Variants in DNAH14 observed in about 807,000 individuals in gnomAD.
DNAH14 encodes dynein axonemal heavy chain 14.
A neutral mutation model predicts 520.9 loss-of-function variants in DNAH14; 478 were observed. The ratio of observed to expected loss-of-function variants is 0.92; its 90% CI spans 0.85 to 0.99. DNAH14 has a LOEUF of 0.99. Among genes scored for constraint, DNAH14 ranks in the 50% least tolerant of loss-of-function variants. DNAH14 has a pLI of 0.00. For synonymous variants in DNAH14, 1,581 were observed against 1,757.2 expected (o/e 0.90, Z 2.51); for missense variants, 4,831 against 5,234.5 (o/e 0.92, Z 2.38).
At chr1:225,299,401 GTTAT>G (rs1384097715) in intron 55 of DNAH14, among the ~76,000 whole-genome samples, 1 of 152,016 alleles carries the variant, frequency 6.6e-6, no homozygotes, top group East Asian at 1.9e-4. Flanking sequence ...TCTCCATTGA[GTTAT>G]TTTTTTCATG....
intron 41 of DNAH14, among the ~76,000 whole-genome samples, chr1:225,209,662 A>C (rs2088080496): frequency 6.6e-6 from 1 of 152,240 alleles, no homozygotes. Context: ...AATATGGTTC[A>C]AGAAGAAATG....
At chr1:225,228,241 A>G (rs2090743527) in intron 41 of DNAH14, among the ~76,000 whole-genome samples, 1 of 152,342 alleles carries the variant, frequency 6.6e-6, no homozygotes, top group South Asian at 2.1e-4. Flanking sequence ...TAACTTGGCC[A>G]AAAATGTGTC....
Position 225,206,179 on chromosome 1 carries a change from G to T in DNAH14, c.6186G>T (p.Met2062Ile). ...ATVSRCAMVYMDPVDLGWEPY... is the reference protein window; with the variant it reads ...ATVSRCAMVYIDPVDLGWEPY... Reference sequence around the variant, plus strand: ...TCAGCCGATGTGCCATGGTCTATATGGTAAGCTTTCAAAAACAAATGTTTT... The same window carrying T: ...TCAGCCGATGTGCCATGGTCTATATTGTAAGCTTTCAAAAACAAATGTTTT... Residue 2062 changes from methionine to isoleucine, a missense_variant and splice_region_variant, in exon 40 of 86, where the codon ATG becomes ATT. Met to Ile is a conservative substitution (Grantham distance 10). Coordinates refer to ENST00000682510, the MANE Select transcript of DNAH14 (RefSeq NM_001367479.1). The T allele has an allele frequency of 6.5e-7, 1 of 1,532,576 alleles. No homozygotes were observed. The highest frequency in any genetic ancestry group is 1.2e-5 in the South Asian group (1 of 81,364). 94.9% of individuals were successfully genotyped at this position (1,532,576 alleles called of 1,614,324 possible).
At chr1:225,193,799 C>T (rs774227450) in intron 38 of DNAH14, among the ~76,000 whole-genome samples, 27 of 152,058 alleles carry the variant, frequency 1.8e-4, no homozygotes, top group Non-Finnish European at 2.8e-4. Flanking sequence ...ACCTAGAAAA[C>T]CCCATAGTCT....
chr1:225,247,458 AAGAATT>A lies in DNAH14; in HGVS notation c.6749-4840_6749-4835del, dbSNP rs548197668. On this transcript the variant is annotated intron_variant, in intron 43 of 85. Coordinates refer to ENST00000682510, the MANE Select transcript of DNAH14 (RefSeq NM_001367479.1). ...ACTCCACTCTGGTCACCATCAAAGA[AAGAATT>A]AGTAAGTTGAAACCTAGAGAAGAAA... Among the ~76,000 whole-genome samples, 157 of 152,348 alleles carry A rather than the reference AAGAATT, an allele frequency of 1.0e-3. 1 individual carries two copies. The highest frequency in any genetic ancestry group is 3.7e-3 in the African/African-American group (153 of 41,590).
intron 36 of DNAH14, among the ~76,000 whole-genome samples, chr1:225,174,470 G>A (rs1358856304): frequency 1.3e-5 from 2 of 151,964 alleles, no homozygotes; most frequent in Non-Finnish European, 2.9e-5. Flanking sequence ...TTCTTTCTCA[G>A]TCAGTGTTGC....
intron 2 of DNAH14, among the ~76,000 whole-genome samples, chr1:224,953,701 A>T (rs1357821634): frequency 6.6e-6 from 1 of 152,212 alleles, no homozygotes; most frequent in African/African-American, 2.4e-5. Context: ...GGGCATGTTC[A>T]ATAATGGTGC....
Position 225,351,792 on chromosome 1 carries a change from T to C in DNAH14, c.11442T>C (p.Phe3814=). 1.3e-6 allele frequency: 2 copies of C among 1,551,368 alleles called. No homozygotes were observed. The highest frequency in any genetic ancestry group is 1.7e-6 in the Non-Finnish European group (2 of 1,146,756). ...LLSNVSQWDT[F]KNSKAVYSLI... Reference sequence around the variant, plus strand: ...CAAACGTATCACAATGGGATACTTTTAAGAACAGTAAAGCAGTTTATTCTC... The same window carrying C: ...CAAACGTATCACAATGGGATACTTTCAAGAACAGTAAAGCAGTTTATTCTC... Residue 3814 remains phenylalanine, a synonymous_variant, in exon 72 of 86, where the codon TTT becomes TTC. Coordinates refer to ENST00000682510, the MANE Select transcript of DNAH14 (RefSeq NM_001367479.1).
chr1:225,307,363 TG>T, intron 58 of DNAH14, 97 bp from the exon 59 acceptor site: 1 of 823,364 alleles, frequency 1.2e-6, no homozygotes, highest in South Asian at 1.8e-5. Flanking sequence ...AAAATCCATT[TG>T]GCCATAATTT....
rs906216656 is a variant in DNAH14, at chr1:225,080,421, A to G, written c.2809A>G (p.Thr937Ala). Residue 937 changes from threonine to alanine, a missense_variant, in exon 19 of 86, where the codon ACA becomes GCA. Transcript: ENST00000682510. ...LLLCAGTQVS[T>A]AMEMIQTLSG... ...GTTATGTGCTGGTACTCAAGTGTCA[A>G]CAGCAATGGAAATGATCCAGACTCT... 6 of 1,550,070 alleles carry G rather than the reference A, an allele frequency of 3.9e-6. No individual in the cohort carries two copies. Among genetic ancestry groups the G allele is most frequent in the Non-Finnish European group, 5.2e-6 (6 of 1,146,208 alleles).
At chr1:225,238,290 G>A (rs1488975801) in intron 42 of DNAH14, among the ~76,000 whole-genome samples, 3 of 152,116 alleles carry the variant, frequency 2.0e-5, no homozygotes, top group Admixed American at 2.0e-4. Flanking sequence ...TTCGAGTGGG[G>A]TTTTTGTGGG....
intron 12 of DNAH14, among the ~76,000 whole-genome samples, chr1:225,039,582 T>TG (rs1170026565): frequency 6.8e-6 from 1 of 146,478 alleles, no homozygotes; most frequent in Non-Finnish European, 1.5e-5. Context: ...CTCTTTAGTA[T>TG]GAAAAAAAAA....
chr1:225,374,633 G>A, intron 77 of DNAH14, 55 bp from the exon 78 acceptor site: 1 of 1,388,620 alleles, frequency 7.2e-7, no homozygotes, highest in Non-Finnish European at 9.6e-7. Flanking sequence ...AAAAGTCAGA[G>A]TGAGTAAGCT....
chr1:224,934,822 A>G (rs73129870), intron 1 of DNAH14, among the ~76,000 whole-genome samples: 1,657 of 152,068 alleles, frequency 0.011, 22 homozygotes, highest in African/African-American at 0.038. Flanking sequence ...TTAGACTACT[A>G]TAGATTTCTC....
chr1:224,990,818 G>A (rs750502621), intron 8 of DNAH14, among the ~76,000 whole-genome samples: 6 of 152,080 alleles, frequency 3.9e-5, no homozygotes, highest in Non-Finnish European at 8.8e-5. Flanking sequence ...ATTTAGAAGT[G>A]GGATTGTTGA....
At chr1:225,374,149 ATATATATATATATATATAT>A (rs1210314759) in intron 77 of DNAH14, among the ~76,000 whole-genome samples, 1 of 46,788 alleles carries the variant, frequency 2.1e-5, no homozygotes, top group African/African-American at 6.9e-5. Flanking sequence ...GTCTTACTAT[ATATATATATATATATATAT>A]ATATATATAT....
intron 43 of DNAH14, among the ~76,000 whole-genome samples, chr1:225,246,490 G>A (rs2092289462): frequency 6.6e-6 from 1 of 152,090 alleles, no homozygotes; most frequent in Non-Finnish European, 1.5e-5. Context: ...CTGATAAGGG[G>A]CTAACATCCA....
At chr1:225,073,938 C>G (rs1011502026) in intron 17 of DNAH14, among the ~76,000 whole-genome samples, 1 of 151,624 alleles carries the variant, frequency 6.6e-6, no homozygotes. Context: ...GCCTCGGCCT[C>G]CCAAAGTACT....
chr1:225,140,960 G>A lies in DNAH14; in HGVS notation c.4447G>A (p.Asp1483Asn). 1 of 1,551,218 alleles carries A rather than the reference G, an allele frequency of 6.4e-7. No individual in the cohort carries two copies. Among genetic ancestry groups the A allele is most frequent in the Non-Finnish European group, 8.7e-7 (1 of 1,146,796 alleles). ...GCTTATCCTTTATGTTCACTGCAGA[G>A]ATATAGTGATAAATTTACTACTTAA... ...ALLILYVHCRDIVINLLLKNI... is the reference protein window; with the variant it reads ...ALLILYVHCRNIVINLLLKNI... The change falls in exon 28 of 86, where the codon GAT (aspartate) becomes AAT (asparagine). Residue 1483 changes from aspartate to asparagine, a missense_variant. By Grantham distance (23) the Asp-to-Asn change is conservative (BLOSUM62 1). Transcript: ENST00000682510.
Sources: gnomAD v4.1 joint callset for allele counts (sites outside exome capture counted in the v4.1 genomes callset) on GRCh38, gnomAD v4.1.1 for gene constraint, MANE v1.5 for transcripts, NCBI Gene and HGNC (gene_info 2026-07-23, HGNC 2026-07-21) for gene names.